The following CCDC12 variants were observed in gnomAD, a reference collection of about 807,000 sequenced individuals.
The protein encoded by CCDC12 is coiled-coil domain-containing protein 12.
A neutral mutation model predicts 25.7 loss-of-function variants in CCDC12; 28 were observed. That is an observed-to-expected ratio of 1.09 (90% CI 0.81 to 1.50). The LOEUF (loss-of-function observed/expected upper bound fraction) is 1.50. Ranked by LOEUF, CCDC12 falls within the 40% of genes most tolerant of loss-of-function variation. CCDC12 has a pLI of 0.00. For missense variants in CCDC12, 198 were observed against 210.0 expected, an observed-to-expected ratio of 0.94 and a Z score of 0.35; for synonymous variants, 75 against 87.7, an observed-to-expected ratio of 0.86 and a Z score of 0.81.
chr3:46,975,786 C>G (rs2034958403), intron 1 of CCDC12, among the ~76,000 whole-genome samples: 1 of 150,860 alleles, frequency 6.6e-6, no homozygotes, highest in South Asian at 2.1e-4. Context: ...CCACCTCGGC[C>G]TCCCAAAGTA....
intron 1 of CCDC12, among the ~76,000 whole-genome samples, chr3:46,956,687 A>T (rs2034297212): frequency 6.6e-6 from 1 of 152,072 alleles, no homozygotes; most frequent in African/African-American, 2.4e-5. Flanking sequence ...CAGGAGTGGT[A>T]GTGTGCACCT....
chr3:46,976,515 G>C, intron 1 of CCDC12, 122 bp downstream of exon 1: 1 of 1,448,454 alleles, frequency 6.9e-7, no homozygotes, highest in South Asian at 1.4e-5. Flanking sequence ...GCATGCGTTA[G>C]CGCCCGCGCA....
Position 46,960,611 on chromosome 3 carries a change from G to A in CCDC12, c.96+16026C>T, listed in dbSNP as rs954748302. Among the ~76,000 whole-genome samples the A allele has an allele frequency of 1.3e-4, 20 of 152,354 alleles. No homozygotes were observed. In the East Asian group the frequency reaches 3.1e-3, roughly 24 times the overall value. ...GTTACTGCCACAGGGCACCGTTGCC[G>A]AAGCAACTGTTTTTCCTCTTGGAAT... On this transcript the variant is annotated intron_variant, in intron 1 of 6. Transcript: ENST00000683445.
chr3:46,948,833 A>G (rs543744636), intron 1 of CCDC12, among the ~76,000 whole-genome samples: 1 of 152,136 alleles, frequency 6.6e-6, no homozygotes, highest in South Asian at 2.1e-4. Flanking sequence ...GCCCAAGTCA[A>G]CTCTGATCCT....
intron 1 of CCDC12, among the ~76,000 whole-genome samples, chr3:46,946,336 T>C (rs972576005): frequency 2.0e-5 from 3 of 152,274 alleles, no homozygotes; most frequent in African/African-American, 7.2e-5. Flanking sequence ...AGGAAAGCTT[T>C]ACTAAATATC....
chr3:46,973,016 T>C (rs534131180), intron 1 of CCDC12, among the ~76,000 whole-genome samples: 23 of 151,794 alleles, frequency 1.5e-4, no homozygotes, highest in Non-Finnish European at 2.6e-4. Flanking sequence ...AAGACAGATT[T>C]GAGACTGATC....
chr3:46,939,392 G>A (rs1466076409), intron 2 of CCDC12, among the ~76,000 whole-genome samples: 1 of 151,948 alleles, frequency 6.6e-6, no homozygotes, highest in Non-Finnish European at 1.5e-5. Flanking sequence ...AACACCACCA[G>A]CAAATCAAAG....
chr3:46,943,172 T>C (rs1465192317), intron 1 of CCDC12, among the ~76,000 whole-genome samples: 5 of 152,090 alleles, frequency 3.3e-5, no homozygotes, highest in Admixed American at 1.3e-4. Flanking sequence ...AGAGTATAAA[T>C]GCTTCACTGA....
chr3:46,928,555 GT>G (rs2033074219), intron 2 of CCDC12, among the ~76,000 whole-genome samples: 1 of 152,118 alleles, frequency 6.6e-6, no homozygotes, highest in Non-Finnish European at 1.5e-5. Flanking sequence ...AAAAAAGTGT[GT>G]TTAAGCAGAA....
Position 46,923,382 on chromosome 3 carries a change from C to T in CCDC12, c.307-19G>A, listed in dbSNP as rs755919595. 5.2e-5 allele frequency: 78 copies of T among 1,500,288 alleles called. No individual in the cohort carries two copies. Among genetic ancestry groups the T allele is most frequent in the Non-Finnish European group, 7.0e-5 (78 of 1,121,582 alleles). 92.9% of individuals were successfully genotyped at this position (1,500,288 alleles called of 1,614,324 possible). On this transcript the variant is annotated intron_variant, in intron 4 of 6. Transcript: ENST00000683445. ...CCAGGTCCTGGGAAGGGAGGAGACA[C>T]ACATCAGGGTGGAGGGGCCACCCCA...
chr3:46,923,535 G>A, intron 4 of CCDC12, 72 bp downstream of exon 4: 1 of 1,516,936 alleles, frequency 6.6e-7, no homozygotes, highest in African/African-American at 1.4e-5. Flanking sequence ...GGGGGGCAGA[G>A]GGAGAGCAAG....
chr3:46,922,248 C>T lies in CCDC12; in HGVS notation c.406G>A (p.Ala136Thr). The T allele has an allele frequency of 6.2e-7, 1 of 1,614,272 alleles. No individual in the cohort carries two copies. Among genetic ancestry groups the T allele is most frequent in the Non-Finnish European group, 8.5e-7 (1 of 1,180,042 alleles). ...KLKKRTQRAI[A>T]ELIRERLKGQ... Reference sequence around the variant, plus strand: ...GCACTGCACTTACGGATCAGCTCGGCAATGGCCCTCTGAGTCCGCTTTTTT... The same window carrying T: ...GCACTGCACTTACGGATCAGCTCGGTAATGGCCCTCTGAGTCCGCTTTTTT... The change falls in exon 6 of 7, where the codon GCC becomes ACC. Residue 136 changes from alanine (A) to threonine (T), a missense_variant. Coordinates refer to ENST00000683445, the MANE Select transcript of CCDC12 (RefSeq NM_001277074.2).
chr3:46,969,385 T>A (rs563661516), intron 1 of CCDC12, among the ~76,000 whole-genome samples: 1 of 152,288 alleles, frequency 6.6e-6, no homozygotes, highest in East Asian at 1.9e-4. Context: ...CGGGCCACCA[T>A]GCCCGGCTAA....
chr3:46,925,530 A>G lies in CCDC12; in HGVS notation c.170T>C (p.Leu57Pro), dbSNP rs2032913963. 1 of 1,575,728 alleles carries G rather than the reference A, an allele frequency of 6.3e-7. No homozygotes were observed. The highest frequency in any genetic ancestry group is 1.7e-5 in the Admixed American group (1 of 57,172). The change falls in exon 3 of 7, where the codon CTT becomes CCT. Residue 57 changes from leucine (L) to proline (P), a missense_variant. Physicochemically the swap from Leu to Pro is moderately conservative, Grantham distance 98. Transcript: ENST00000683445. ...EEEEGEKHRE[L>P]RLRNYVPEDE... is the part of the protein sequence containing the mutation. ...CTCCGGGACATAGTTCCGCAGCCTA[A>G]GTTCCCTGCAAGAATAGAGGGAACA...
At chr3:46,973,180 C>T (rs1489244088) in intron 1 of CCDC12, among the ~76,000 whole-genome samples, 1 of 118,604 alleles carries the variant, frequency 8.4e-6, no homozygotes, top group Non-Finnish European at 1.8e-5. Flanking sequence ...CATGGTGACA[C>T]CCTGTCTCTA....
chr3:46,940,552 A>C, intron 2 of CCDC12: 1 of 167,710 alleles, frequency 6.0e-6, no homozygotes, highest in Non-Finnish European at 1.3e-5. Flanking sequence ...AAGACTGGTC[A>C]GGAAATGCTG....
intron 2 of CCDC12, among the ~76,000 whole-genome samples, chr3:46,930,168 T>TCCAG (rs2033150956): frequency 6.6e-6 from 1 of 151,996 alleles, no homozygotes; most frequent in Non-Finnish European, 1.5e-5. Flanking sequence ...AGCCACCATG[T>TCCAG]CCAGCTCTGA....
chr3:46,938,518 G>GTTTTTTTTTTTTTTTTT (rs66474878), intron 2 of CCDC12, among the ~76,000 whole-genome samples: 1 of 91,382 alleles, frequency 1.1e-5, no homozygotes, highest in African/African-American at 4.2e-5. Flanking sequence ...TTCCCCTCCT[G>GTTTTTTTTTTTTTTTTT]TTTTTTTTTT....
At chr3:46,950,496 T>TGGGGG (rs745351220) in intron 1 of CCDC12, among the ~76,000 whole-genome samples, 10 of 149,284 alleles carry the variant, frequency 6.7e-5, no homozygotes, top group South Asian at 6.3e-4. Flanking sequence ...TTTTTTTTTT[T>TGGGGG]GGGGTAGAGA....
Sources: gnomAD v4.1 joint callset for allele counts (sites outside exome capture counted in the v4.1 genomes callset) on GRCh38, gnomAD v4.1.1 for gene constraint, MANE v1.5 for transcripts, NCBI Gene and HGNC (gene_info 2026-07-23, HGNC 2026-07-21) for gene names.